Variants in TLN2 observed in about 807,000 individuals in gnomAD.
TLN2 encodes talin-2.
In TLN2, 118 loss-of-function variants were observed where a neutral mutation model predicts 294.7. The ratio of observed to expected loss-of-function variants is 0.40; its 90% CI spans 0.34 to 0.47. TLN2 has a LOEUF of 0.47. TLN2 is among the 20% of genes least tolerant of loss of function. The probability of loss-of-function intolerance (pLI) is 0.84; values close to 1 mark genes in which losing one functional copy is unlikely to be tolerated. For missense variants in TLN2, 3,083 were observed against 3,282.2 expected, an observed-to-expected ratio of 0.94 and a Z score of 1.48; for synonymous variants, 1,431 against 1,304.5, an observed-to-expected ratio of 1.10 and a Z score of -2.09.
intron 1 of TLN2, among the ~76,000 whole-genome samples, chr15:62,432,499 A>C (rs2035060954): frequency 6.6e-6 from 1 of 152,146 alleles, no homozygotes; most frequent in Non-Finnish European, 1.5e-5. Flanking sequence ...ACCTCTCAAC[A>C]CTGTTGCATT....
At chr15:62,727,356 C>T (rs1056007935) in intron 28 of TLN2, among the ~76,000 whole-genome samples, 167 bp downstream of exon 28, 13 of 152,194 alleles carry the variant, frequency 8.5e-5, no homozygotes, top group African/African-American at 3.1e-4. Flanking sequence ...TGATACTAAG[C>T]ACACAAAGAC....
intron 1 of TLN2, among the ~76,000 whole-genome samples, chr15:62,418,625 G>A (rs979452092): frequency 7.2e-5 from 11 of 152,238 alleles, no homozygotes; most frequent in African/African-American, 2.7e-4. Flanking sequence ...CCTGGGTGCA[G>A]GTGGGATGAG....
At chr15:62,594,195 T>C (rs2046301289) in intron 2 of TLN2, among the ~76,000 whole-genome samples, 1 of 152,080 alleles carries the variant, frequency 6.6e-6, no homozygotes, top group African/African-American at 2.4e-5. Flanking sequence ...TTACGGTCAA[T>C]TGATTTTTAT....
intron 16 of TLN2, 58 bp from the exon 17 acceptor site, chr15:62,701,048 C>T (rs944261622): frequency 6.9e-7 from 1 of 1,455,474 alleles, no homozygotes; most frequent in Non-Finnish European, 9.4e-7. Context: ...CGGGGCTTCT[C>T]CGGTCTCCTG....
intron 57 of TLN2, 137 bp downstream of exon 57, chr15:62,836,210 T>A: frequency 8.2e-7 from 1 of 1,221,668 alleles, no homozygotes; most frequent in Non-Finnish European, 1.1e-6. Context: ...CAGCCTCATC[T>A]ACTGCGTGCG....
At chr15:62,427,245 A>G (rs1468020188) in intron 1 of TLN2, among the ~76,000 whole-genome samples, 2 of 152,162 alleles carry the variant, frequency 1.3e-5, no homozygotes, top group African/African-American at 2.4e-5. Flanking sequence ...ATGGGTCTGA[A>G]GAGGAGGGCT....
rs770506710 is a variant in TLN2 at position 62,738,368 on chromosome 15, G to A, written c.3687+35G>A. ...TCTTAGATTGAGAAAGGACACTGGG[G>A]GACTAGGCTCGCGTTAGGTGTGAGT... On this transcript the variant is annotated intron_variant, in intron 30 of 58. Transcript: ENST00000636159. The A allele has an allele frequency of 4.3e-6, 7 of 1,610,790 alleles. No individual in the cohort carries two copies. The South Asian group carries it at 6.6e-5, about 15-fold the overall frequency.
chr15:62,527,005 G>GC (rs2040774914), intron 1 of TLN2, among the ~76,000 whole-genome samples: 1 of 152,186 alleles, frequency 6.6e-6, no homozygotes, highest in Admixed American at 6.5e-5. Context: ...ATACATACAT[G>GC]CACCTGTAGA....
rs928297078 is a variant in TLN2 at position 62,835,914 on chromosome 15, C to T, written c.7215C>T (p.Thr2405=). ...AGGCCCGGATGGTGGCGGCTGCGAC[C>T]AGCAGTCTCTGTGAGGCGGCCAATG... ...ISAARMVAAA[T]SSLCEAANAS... The change falls in exon 57 of 59, where the codon ACC becomes ACT. Residue 2405 remains threonine (T), a synonymous_variant. Transcript: ENST00000636159. 6.8e-6 allele frequency: 11 copies of T among 1,614,114 alleles called. No homozygotes were observed. Among genetic ancestry groups the T allele is most frequent in the Non-Finnish European group, 7.6e-6 (9 of 1,180,042 alleles).
chr15:62,760,264 A>G (rs2062580333), intron 37 of TLN2, among the ~76,000 whole-genome samples: 1 of 152,176 alleles, frequency 6.6e-6, no homozygotes, highest in Non-Finnish European at 1.5e-5. Context: ...CTCTGAAAAT[A>G]TTAGCATTGT....
At chr15:62,609,767 A>G (rs1040900404) in intron 2 of TLN2, among the ~76,000 whole-genome samples, 1 of 152,174 alleles carries the variant, frequency 6.6e-6, no homozygotes, top group Non-Finnish European at 1.5e-5. Flanking sequence ...GCCTCTGGAA[A>G]GGTTATTCTC....
chr15:62,498,164 A>G (rs1595942460), intron 1 of TLN2, among the ~76,000 whole-genome samples: 1 of 151,492 alleles, frequency 6.6e-6, no homozygotes. Flanking sequence ...AAAAAAAAAA[A>G]AAAAAAAAAA....
chr15:62,797,103 C>A (rs2065541094), intron 47 of TLN2, 116 bp from the exon 48 acceptor site: 2 of 1,145,998 alleles, frequency 1.7e-6, no homozygotes, highest in Admixed American at 4.5e-5. Context: ...CACAGCACTT[C>A]TCTTCTTCAA....
intron 44 of TLN2, among the ~76,000 whole-genome samples, chr15:62,782,571 C>T (rs557909487): frequency 5.9e-5 from 9 of 152,344 alleles, no homozygotes; most frequent in African/African-American, 2.2e-4. Context: ...CCTGAGATAA[C>T]TGGCCTGGCT....
At chr15:62,681,790 T>C (rs1171812162) in intron 11 of TLN2, among the ~76,000 whole-genome samples, 2 of 152,208 alleles carry the variant, frequency 1.3e-5, no homozygotes, top group African/African-American at 4.8e-5. Flanking sequence ...TTAATTTAAT[T>C]TTATTTATTA....
chr15:62,635,564 G>A (rs1246321735), intron 3 of TLN2, among the ~76,000 whole-genome samples: 1 of 152,162 alleles, frequency 6.6e-6, no homozygotes, highest in Non-Finnish European at 1.5e-5. Flanking sequence ...GTGTCCAAAT[G>A]TTAGTGGTAT....
At chr15:62,819,374 A>G (rs1269237856) in intron 52 of TLN2, 142 bp from the exon 53 acceptor site, 5 of 663,076 alleles carry the variant, frequency 7.5e-6, no homozygotes, top group Non-Finnish European at 1.3e-5. Context: ...AGGGTTTTCC[A>G]CAAGGCTCTG....
chr15:62,749,742 C>T (rs542752112), intron 33 of TLN2, among the ~76,000 whole-genome samples: 1 of 152,158 alleles, frequency 6.6e-6, no homozygotes, highest in East Asian at 1.9e-4. Context: ...AGGAAAAGTC[C>T]CTTACAAGTG....
intron 32 of TLN2, among the ~76,000 whole-genome samples, chr15:62,746,273 T>C (rs1358090149): frequency 3.3e-5 from 5 of 152,148 alleles, no homozygotes; most frequent in Non-Finnish European, 2.9e-5. Context: ...CAGAAGCGTG[T>C]CTCAAGGCCA....
Sources: allele counts gnomAD v4.1 joint callset (sites outside exome capture counted in the v4.1 genomes callset), GRCh38; gene constraint gnomAD v4.1.1; transcripts MANE v1.5; gene names NCBI Gene and HGNC (gene_info 2026-07-23, HGNC 2026-07-21).